CRPPA: variants seen among roughly 807,000 people sequenced by gnomAD.
CRPPA encodes the protein D-ribitol-5-phosphate cytidylyltransferase.
CRPPA carries 43 observed loss-of-function variants against 52.0 expected under a neutral mutation model. That is an observed-to-expected ratio of 0.83 (90% CI 0.65 to 1.07). CRPPA has a LOEUF of 1.07. Ranked by LOEUF, CRPPA falls within the 50% of genes least tolerant of loss-of-function variation. The pLI is 0.00. For synonymous variants in CRPPA, 250 were observed against 203.5 expected, an observed-to-expected ratio of 1.23 and a Z score of -1.94; for missense variants, 629 against 551.7, an observed-to-expected ratio of 1.14 and a Z score of -1.40.
chr7:16,362,815 T>C (rs56091963), intron 3 of CRPPA, among the ~76,000 whole-genome samples: 33,908 of 152,110 alleles, frequency 0.22, 4,225 homozygotes, highest in Non-Finnish European at 0.3. Flanking sequence ...ACTCGAGATA[T>C]ATTTATTTTA....
chr7:16,128,388 T>A (rs2128372052), intron 9 of CRPPA, among the ~76,000 whole-genome samples: 1 of 152,280 alleles, frequency 6.6e-6, no homozygotes, highest in Middle Eastern at 3.4e-3. Context: ...AAAAGTCCTA[T>A]TTTTTCTTCT....
chr7:16,271,551 C>T (rs746228590), intron 6 of CRPPA, among the ~76,000 whole-genome samples: 4 of 152,156 alleles, frequency 2.6e-5, no homozygotes, highest in Non-Finnish European at 4.4e-5. Flanking sequence ...TTTGCATCTC[C>T]AACCACAGAT....
intron 5 of CRPPA, among the ~76,000 whole-genome samples, chr7:16,279,341 T>C (rs1784270958): frequency 6.6e-6 from 1 of 152,124 alleles, no homozygotes; most frequent in Admixed American, 6.5e-5. Context: ...AACAAGAATA[T>C]TATGCATTCC....
chr7:16,174,771 T>C (rs1313477848), intron 9 of CRPPA, among the ~76,000 whole-genome samples: 1 of 152,170 alleles, frequency 6.6e-6, no homozygotes, highest in Admixed American at 6.5e-5. Flanking sequence ...GATTCTGAAT[T>C]ATTTAGAAGA....
intron 9 of CRPPA, among the ~76,000 whole-genome samples, chr7:16,140,349 G>C (rs918338233): frequency 6.6e-6 from 1 of 151,340 alleles, no homozygotes; most frequent in Non-Finnish European, 1.5e-5. Context: ...TATTTTAGTA[G>C]AGATGGGGTT....
intron 8 of CRPPA, among the ~76,000 whole-genome samples, chr7:16,234,627 T>C (rs997700423): frequency 2.6e-5 from 4 of 152,160 alleles, no homozygotes; most frequent in Non-Finnish European, 5.9e-5. Flanking sequence ...TTTCCTCATA[T>C]CTGCCTCCTT....
At chr7:16,195,963 G>A (rs1781723326) in intron 9 of CRPPA, among the ~76,000 whole-genome samples, 2 of 152,082 alleles carry the variant, frequency 1.3e-5, no homozygotes, top group Non-Finnish European at 2.9e-5. Flanking sequence ...GAGAGAAGAT[G>A]GGACCATAAA....
At chr7:16,258,298 G>T in intron 8 of CRPPA, 92 bp downstream of exon 8, 1 of 743,140 alleles carries the variant, frequency 1.3e-6, no homozygotes. Context: ...ATGGGTCAAT[G>T]CTCTCAATTG....
chr7:16,418,678 TG>T lies in CRPPA; in HGVS notation c.257+2387del, dbSNP rs563028322. The stretch of plus-strand genomic sequence containing the variant: ...AGAACTCACTATCAAGAGACCAGCA[TG>T]GGGGAAACAATCCCCATGATTCAAT... On this transcript the variant is annotated intron_variant, in intron 1 of 9. Coordinates refer to ENST00000407010, the MANE Select transcript of CRPPA (RefSeq NM_001101426.4). Among the ~76,000 whole-genome samples the T allele has an allele frequency of 9.9e-5, 15 of 152,212 alleles. No homozygotes were observed. The East Asian group carries it at 2.9e-3, about 29-fold the overall frequency.
intron 1 of CRPPA, among the ~76,000 whole-genome samples, chr7:16,419,736 T>A (rs1302500702): frequency 6.6e-6 from 1 of 152,096 alleles, no homozygotes; most frequent in Non-Finnish European, 1.5e-5. Context: ...AAACCTCACA[T>A]AGACCCCCTA....
In CRPPA at chr7:16,106,880, A is replaced by T. The variant is rs559090754; in HGVS notation, c.1252-15081T>A. Among the ~76,000 whole-genome samples, 12 of 152,304 alleles carry T rather than the reference A, an allele frequency of 7.9e-5. No individual in the cohort carries two copies. The South Asian group carries it at 2.5e-3, about 32-fold the overall frequency. ...CAGTGAACTATAAGAATATACAGAT[A>T]GGAAATTTCATGGAATTTGGAAAAC... On this transcript the variant is annotated intron_variant, in intron 9 of 9. Coordinates refer to ENST00000407010, the MANE Select transcript of CRPPA (RefSeq NM_001101426.4).
Position 16,091,657 on chromosome 7 carries a change from A to C in CRPPA, c.*38T>G. On this transcript the variant is annotated 3_prime_UTR_variant, in exon 10 of 10. Coordinates refer to ENST00000407010, the MANE Select transcript of CRPPA (RefSeq NM_001101426.4). ...GCACAAAGCACAATTAAGATACGCAAATAGATGTTTTAGAAAATAGGTAAT... is the reference window on the plus strand; with the variant it reads ...GCACAAAGCACAATTAAGATACGCACATAGATGTTTTAGAAAATAGGTAAT... 8.6e-7 allele frequency: 1 copy of C among 1,167,482 alleles called. No individual in the cohort carries two copies. The highest frequency in any genetic ancestry group is 1.2e-6 in the Non-Finnish European group (1 of 802,296). 72.3% of individuals were successfully genotyped at this position (1,167,482 alleles called of 1,614,324 possible).
intron 8 of CRPPA, among the ~76,000 whole-genome samples, chr7:16,252,511 A>G (rs1420683300): frequency 6.6e-6 from 1 of 152,148 alleles, no homozygotes; most frequent in Non-Finnish European, 1.5e-5. Flanking sequence ...GTTTGCCAGT[A>G]TTTTATTGAG....
intron 3 of CRPPA, among the ~76,000 whole-genome samples, chr7:16,336,550 GA>G (rs1785686244): frequency 1.1e-5 from 1 of 92,008 alleles, no homozygotes; most frequent in Non-Finnish European, 2.3e-5. Flanking sequence ...AACCACAAAG[GA>G]AAAGAGCAAA....
chr7:16,206,392 C>G (rs181719094), intron 9 of CRPPA, among the ~76,000 whole-genome samples: 3 of 152,114 alleles, frequency 2.0e-5, no homozygotes, highest in African/African-American at 7.2e-5. Flanking sequence ...TTCAATACTT[C>G]TAATACAAAA....
At chr7:16,229,005 T>A (rs1782722572) in intron 8 of CRPPA, among the ~76,000 whole-genome samples, 1 of 152,084 alleles carries the variant, frequency 6.6e-6, no homozygotes, top group Admixed American at 6.6e-5. Flanking sequence ...ATATCACAAC[T>A]GTCCTATCTT....
intron 9 of CRPPA, among the ~76,000 whole-genome samples, chr7:16,173,195 A>G (rs1194965045): frequency 5.9e-5 from 9 of 152,212 alleles, no homozygotes; most frequent in Admixed American, 5.9e-4. Context: ...AGATTTCACT[A>G]AGTTCATCCA....
At chr7:16,368,232 T>G (rs1458740665) in intron 3 of CRPPA, among the ~76,000 whole-genome samples, 1 of 152,238 alleles carries the variant, frequency 6.6e-6, no homozygotes, top group East Asian at 1.9e-4. Flanking sequence ...ATCCGTGGGC[T>G]TTTCTTCATG....
intron 9 of CRPPA, among the ~76,000 whole-genome samples, chr7:16,153,410 G>C (rs28411022): frequency 6.6e-6 from 1 of 151,906 alleles, no homozygotes; most frequent in African/African-American, 2.4e-5. Flanking sequence ...ATATATGATA[G>C]AGTATCAGTA....
Sources: gnomAD v4.1 joint callset for allele counts (sites outside exome capture counted in the v4.1 genomes callset) on GRCh38, gnomAD v4.1.1 for gene constraint, MANE v1.5 for transcripts, NCBI Gene and HGNC (gene_info 2026-07-23, HGNC 2026-07-21) for gene names.